ANKK1: variants seen among roughly 807,000 people sequenced by gnomAD.
ANKK1 encodes the protein ankyrin repeat and kinase domain containing 1.
In ANKK1, 37 loss-of-function variants were observed where a neutral mutation model predicts 37.6. The ratio of observed to expected loss-of-function variants is 0.98; its 90% CI spans 0.76 to 1.29. The LOEUF is 1.29. Ranked by LOEUF, ANKK1 falls within the 50% of genes most tolerant of loss-of-function variation. ANKK1 has a pLI of 0.00. For missense variants in ANKK1, 1,019 were observed against 990.6 expected, an observed-to-expected ratio of 1.03 and a Z score of -0.39; for synonymous variants, 415 against 418.7, an observed-to-expected ratio of 0.99 and a Z score of 0.11.
Position 113,399,101 on chromosome 11 carries a change from G to C in ANKK1, c.1132G>C (p.Val378Leu), listed in dbSNP as rs988118061. 1 of 1,594,262 alleles carries C rather than the reference G, an allele frequency of 6.3e-7. No homozygotes were observed. The highest frequency in any genetic ancestry group is 8.5e-7 in the Non-Finnish European group (1 of 1,170,526). ...FLVAQGSVEQ[V>L]RLLLAHEVDV... ...GGTGGCCCAGGGCAGTGTGGAGCAG[G>C]TGAGGTTGCTGCTGGCCCACGAGGT... The change falls in exon 8 of 8, where the codon GTG (valine) becomes CTG (leucine). Residue 378 changes from valine (V) to leucine (L), a missense_variant. Val to Leu is a conservative substitution (Grantham distance 32, BLOSUM62 1). Coordinates refer to ENST00000303941, the MANE Select transcript of ANKK1 (RefSeq NM_178510.2).
rs1160698415 is a variant in ANKK1, at chr11:113,399,172, C to T, written c.1203C>T (p.Ile401=). 1.3e-5 allele frequency: 21 copies of T among 1,598,424 alleles called. No individual in the cohort carries two copies. The highest frequency in any genetic ancestry group is 8.6e-5 in the Admixed American group (5 of 58,014). ...QTASGYTPLL[I]AAQDQQPDLC... Reference sequence around the variant, plus strand: ...CCTCTGGATACACGCCCCTCCTGATCGCCGCCCAGGACCAGCAACCCGACC... The same window carrying T: ...CCTCTGGATACACGCCCCTCCTGATTGCCGCCCAGGACCAGCAACCCGACC... Residue 401 remains isoleucine, a synonymous_variant, in exon 8 of 8, where the codon ATC becomes ATT. Transcript: ENST00000303941.
intron 6 of ANKK1, 37 bp from the exon 7 acceptor site, chr11:113,397,943 C>T: frequency 6.4e-7 from 1 of 1,553,806 alleles, no homozygotes; most frequent in Non-Finnish European, 8.7e-7. Flanking sequence ...AACTGCGCCA[C>T]TGATCTCCAC....
intron 1 of ANKK1, among the ~76,000 whole-genome samples, chr11:113,392,221 A>C: frequency 6.6e-6 from 1 of 152,374 alleles, no homozygotes; most frequent in Middle Eastern, 3.4e-3. Flanking sequence ...TCATACAGAT[A>C]ATAACGGGTG....
chr11:113,395,961 C>T (rs1330255303), intron 4 of ANKK1, 106 bp from the exon 5 acceptor site: 5 of 1,313,122 alleles, frequency 3.8e-6, no homozygotes, highest in Non-Finnish European at 5.3e-6. Flanking sequence ...GTGGAGCCCC[C>T]ACTGCGTGCA....
In ANKK1 at chr11:113,395,043, A is replaced by C. The variant is rs747016489; in HGVS notation, c.595A>C (p.Ser199Arg). 1.2e-5 allele frequency: 19 copies of C among 1,612,792 alleles called. No individual in the cohort carries two copies. The African/African-American group carries it at 2.5e-4, about 22-fold the overall frequency. ...SYIPPEMFLE[S>R]NKAPGPKYDV... is the part of the protein sequence containing the mutation. Reference sequence around the variant, plus strand: ...CATCCCCCCTGAGATGTTCCTGGAGAGTAACAAGGCCCCAGGACCTAAATA... The same window carrying C: ...CATCCCCCCTGAGATGTTCCTGGAGCGTAACAAGGCCCCAGGACCTAAATA... The change falls in exon 3 of 8, where the codon AGT (serine) becomes CGT (arginine). Residue 199 changes from serine to arginine, a missense_variant. Transcript: ENST00000303941.
intron 1 of ANKK1, among the ~76,000 whole-genome samples, chr11:113,388,640 G>A (rs1295951021): frequency 6.6e-6 from 1 of 152,254 alleles, no homozygotes. Flanking sequence ...CCCTTGGAGG[G>A]TCAAGTCTGG....
In ANKK1 at chr11:113,400,280, G is replaced by C. The variant is rs1950693456; in HGVS notation, c.*13G>C. 1.3e-6 allele frequency: 2 copies of C among 1,528,096 alleles called. No homozygotes were observed. The highest frequency in any genetic ancestry group is 1.8e-6 in the Non-Finnish European group (2 of 1,133,840). The allele number at this position is 1,528,096 out of a possible 1,614,324, so 94.7% of individuals were successfully genotyped here. ...GATGGAAATTTAGACAACTTGGCCA[G>C]CCGTGGTGGCTCACGTCTGTAATCC... On this transcript the variant is annotated 3_prime_UTR_variant, in exon 8 of 8. Coordinates refer to ENST00000303941, the MANE Select transcript of ANKK1 (RefSeq NM_178510.2).
At chr11:113,388,692 T>C (rs1468336035) in intron 1 of ANKK1, among the ~76,000 whole-genome samples, 1 of 152,244 alleles carries the variant, frequency 6.6e-6, no homozygotes, top group East Asian at 1.9e-4. Flanking sequence ...CTTGCTGTCA[T>C]GCGCACTACA....
In ANKK1 at chr11:113,399,780, G is replaced by T; in HGVS notation, c.1811G>T (p.Gly604Val). ...CCCCTGCATCTAGCAGCCTACAAGGGCCACCTGGAGATCATCCATCTGCTG... is the reference window on the plus strand; with the variant it reads ...CCCCTGCATCTAGCAGCCTACAAGGTCCACCTGGAGATCATCCATCTGCTG... The part of the protein sequence containing the change: ...WTPLHLAAYK[G>V]HLEIIHLLAE... Residue 604 changes from glycine to valine, a missense_variant, in exon 8 of 8, where the codon GGC (glycine) becomes GTC (valine). Coordinates refer to ENST00000303941, the MANE Select transcript of ANKK1 (RefSeq NM_178510.2). 6.2e-7 allele frequency: 1 copy of T among 1,603,164 alleles called. No homozygotes were observed. Among genetic ancestry groups the T allele is most frequent in the East Asian group, 2.3e-5 (1 of 44,264 alleles).
Position 113,388,081 on chromosome 11 carries a change from C to T in ANKK1, c.185+12C>T. On this transcript the variant is annotated intron_variant, in intron 1 of 7. Coordinates refer to ENST00000303941, the MANE Select transcript of ANKK1 (RefSeq NM_178510.2). Reference sequence around the variant, plus strand: ...CCCGACGCCGCCAGGTACTGCCAGCCTCGCCCTCCCCTTTCTCGGAGGAGA... The same window carrying T: ...CCCGACGCCGCCAGGTACTGCCAGCTTCGCCCTCCCCTTTCTCGGAGGAGA... The T allele has an allele frequency of 2.7e-6, 4 of 1,469,104 alleles. No homozygotes were observed. The highest frequency in any genetic ancestry group is 3.6e-6 in the Non-Finnish European group (4 of 1,107,766). The allele number at this position is 1,469,104 out of a possible 1,614,324, so 91.0% of individuals were successfully genotyped here. A position where few individuals can be genotyped will look rare whatever the true frequency, so the allele number is the denominator to read the frequency against.
chr11:113,394,241 G>C (rs1474351824), intron 2 of ANKK1, among the ~76,000 whole-genome samples: 1 of 152,102 alleles, frequency 6.6e-6, no homozygotes, highest in Non-Finnish European at 1.5e-5. Context: ...GCTCTTCCCT[G>C]ATCTACTCCA....
intron 1 of ANKK1, among the ~76,000 whole-genome samples, chr11:113,389,870 A>G (rs1454368310): frequency 1.3e-5 from 2 of 152,212 alleles, no homozygotes; most frequent in Non-Finnish European, 2.9e-5. Flanking sequence ...GGTGGTGACC[A>G]TGGGAGGGAT....
intron 1 of ANKK1, among the ~76,000 whole-genome samples, chr11:113,390,996 C>T (rs1456616274): frequency 1.3e-5 from 2 of 152,074 alleles, no homozygotes; most frequent in African/African-American, 4.8e-5. Context: ...ATGCCAGGGC[C>T]CTCTGTGTAT....
At chr11:113,393,863 C>A in intron 2 of ANKK1, 88 bp downstream of exon 2, 1 of 1,433,904 alleles carries the variant, frequency 7.0e-7, no homozygotes, top group Non-Finnish European at 9.3e-7. Flanking sequence ...ACCGGCCTGT[C>A]AAGGGTTTTA....
At position 113,393,515 on chromosome 11, in the gene ANKK1, A is replaced by C. The variant is rs1950605434; in HGVS notation, c.220A>C (p.Lys74Gln). The change falls in exon 2 of 8, where the codon AAA becomes CAA. Residue 74 changes from lysine to glutamine, a missense_variant. Lys to Gln is a moderately conservative substitution (Grantham distance 53). Coordinates refer to ENST00000303941, the MANE Select transcript of ANKK1 (RefSeq NM_178510.2). ...DVNYLIEEAA[K>Q]MKKIKFQHIV... Reference sequence around the variant, plus strand: ...GAATTACCTCATTGAAGAAGCTGCCAAAATGAAGAAGATCAAGTTTCAGCA... The same window carrying C: ...GAATTACCTCATTGAAGAAGCTGCCCAAATGAAGAAGATCAAGTTTCAGCA... The C allele has an allele frequency of 6.2e-7, 1 of 1,613,870 alleles. No individual in the cohort carries two copies. Among genetic ancestry groups the C allele is most frequent in the Non-Finnish European group, 8.5e-7 (1 of 1,179,786 alleles).
rs1436982215 is a variant in ANKK1, at chr11:113,387,961, G to A, written c.77G>A (p.Arg26His). 1 of 1,574,584 alleles carries A rather than the reference G, an allele frequency of 6.4e-7. No homozygotes were observed. Among genetic ancestry groups the A allele is most frequent in the African/African-American group, 1.3e-5 (1 of 74,252 alleles). ...CGCGACGACTTCGAGGGCGACTGGC[G>A]CCTAGTGGCCAGCGGCGGCTTCAGC... ...FTRDDFEGDW[R>H]LVASGGFSQV... Residue 26 changes from arginine (R) to histidine (H), a missense_variant, in exon 1 of 8, where the codon CGC (arginine) becomes CAC (histidine). Transcript: ENST00000303941.
chr11:113,396,329 C>A lies in ANKK1; in HGVS notation c.838+107C>A, dbSNP rs565370702. 2.0e-5 allele frequency: 26 copies of A among 1,327,126 alleles called. No homozygotes were observed. In the Middle Eastern group the frequency reaches 9.0e-4, roughly 46 times the overall value. The allele number at this position is 1,327,126 out of a possible 1,614,324, so 82.2% of individuals were successfully genotyped here. ...ATGCAGAGAGACACTTTTGGTACTA[C>A]GGCCTAGAAGGACTTTTTTTTTTTT... On this transcript the variant is annotated intron_variant, in intron 5 of 7. Transcript: ENST00000303941.
intron 1 of ANKK1, among the ~76,000 whole-genome samples, chr11:113,388,750 C>T (rs904246087): frequency 2.0e-5 from 3 of 152,216 alleles, no homozygotes; most frequent in Non-Finnish European, 2.9e-5. Context: ...CTCTTTCCTA[C>T]GTTTCCATTA....
chr11:113,387,936 C>T lies in ANKK1; in HGVS notation c.52C>T (p.Arg18Cys), dbSNP rs371434196. The T allele has an allele frequency of 3.8e-6, 6 of 1,572,674 alleles. No homozygotes were observed. The highest frequency in any genetic ancestry group is 3.5e-5 in the Admixed American group (2 of 57,380). The change falls in exon 1 of 8, where the codon CGC becomes TGC. Residue 18 changes from arginine (R) to cysteine (C), a missense_variant. By Grantham distance (180) the Arg-to-Cys change is radical. Coordinates refer to ENST00000303941, the MANE Select transcript of ANKK1 (RefSeq NM_178510.2). Reference protein sequence around the residue: ...LRLGSLPVFTRDDFEGDWRLV... With the variant: ...LRLGSLPVFTCDDFEGDWRLV... ...GCTGGGCAGCCTCCCCGTCTTCACC[C>T]GCGACGACTTCGAGGGCGACTGGCG...
Sources: allele counts gnomAD v4.1 joint callset (sites outside exome capture counted in the v4.1 genomes callset), GRCh38; gene constraint gnomAD v4.1.1; transcripts MANE v1.5; gene names NCBI Gene and HGNC (gene_info 2026-07-23, HGNC 2026-07-21).